The following SHANK2 variants were observed in gnomAD, a reference collection of about 807,000 sequenced individuals.
SHANK2 encodes the protein SH3 and multiple ankyrin repeat domains 2, also known as SH3 and multiple ankyrin repeat domains protein 2.
SHANK2 carries 43 observed loss-of-function variants against 133.7 expected under a neutral mutation model. That is an observed-to-expected ratio of 0.32 (90% CI 0.25 to 0.41). The LOEUF (loss-of-function observed/expected upper bound fraction) is 0.41. Ranked by LOEUF, SHANK2 falls within the 10% of genes least tolerant of loss-of-function variation. The probability of loss-of-function intolerance (pLI) is 1.00; values close to 1 mark genes in which losing one functional copy is unlikely to be tolerated. For missense variants in SHANK2, 1,994 were observed against 2,235.8 expected, an observed-to-expected ratio of 0.89 and a Z score of 2.18; for synonymous variants, 1,017 against 952.8, an observed-to-expected ratio of 1.07 and a Z score of -1.24.
intron 2 of SHANK2, among the ~76,000 whole-genome samples, chr11:71,213,460 A>C (rs2135699009): frequency 6.6e-6 from 1 of 152,260 alleles, no homozygotes; most frequent in South Asian, 2.1e-4. Flanking sequence ...CCCCAGGGGC[A>C]AGGTTTTTAA....
At chr11:71,110,285 A>C (rs182319852) in intron 5 of SHANK2, among the ~76,000 whole-genome samples, 2,618 of 152,170 alleles carry the variant, frequency 0.017, 83 homozygotes, top group African/African-American at 0.061. Flanking sequence ...AAAAATACAA[A>C]AAATTAGTCA....
intron 13 of SHANK2, among the ~76,000 whole-genome samples, chr11:70,800,951 G>A (rs966120455): frequency 1.3e-5 from 2 of 152,234 alleles, no homozygotes; most frequent in Non-Finnish European, 2.9e-5. Context: ...CATAGGTAGA[G>A]ATTGGTATCA....
Position 70,588,696 on chromosome 11 carries a change from C to T in SHANK2, c.2061+71132G>A, listed in dbSNP as rs145942983. On this transcript the variant is annotated intron_variant, in intron 17 of 25. Transcript: ENST00000601538. ...TAAGAAAAGAAGCTGTGTTCTGTAACGTAAACACGCAAGGCAAAGTAGCAA... is the reference window on the plus strand; with the variant it reads ...TAAGAAAAGAAGCTGTGTTCTGTAATGTAAACACGCAAGGCAAAGTAGCAA... 5.2e-3 allele frequency among the ~76,000 whole-genome samples: 797 copies of T among 152,316 alleles called. 6 individuals carry two copies. The highest frequency in any genetic ancestry group is 0.018 in the African/African-American group (762 of 41,574).
chr11:70,817,622 T>C (rs1948425848), intron 12 of SHANK2, among the ~76,000 whole-genome samples: 1 of 152,212 alleles, frequency 6.6e-6, no homozygotes, highest in Admixed American at 6.5e-5. Context: ...GGGTTGGACA[T>C]GGACCTGGGC....
At chr11:71,084,173 G>A (rs1046297844) in intron 8 of SHANK2, among the ~76,000 whole-genome samples, 70 of 152,182 alleles carry the variant, frequency 4.6e-4, no homozygotes, top group South Asian at 1.2e-3. Flanking sequence ...GGGTTTCACC[G>A]TGTTAGCCAG....
chr11:70,625,312 C>T (rs2060890373), intron 17 of SHANK2, among the ~76,000 whole-genome samples: 1 of 152,144 alleles, frequency 6.6e-6, no homozygotes. Flanking sequence ...GGGGCTCTGT[C>T]ACACACTGCC....
intron 2 of SHANK2, among the ~76,000 whole-genome samples, chr11:71,209,577 A>G (rs772223674): frequency 3.3e-5 from 5 of 151,952 alleles, no homozygotes; most frequent in Non-Finnish European, 5.9e-5. Flanking sequence ...CCAGCTCCTC[A>G]CTCTTGACTC....
At chr11:71,160,751 G>A (rs1315453426) in intron 2 of SHANK2, among the ~76,000 whole-genome samples, 13 of 152,160 alleles carry the variant, frequency 8.5e-5, no homozygotes, top group African/African-American at 3.1e-4. Context: ...AAGTTGAGGA[G>A]GCCACTCCAA....
chr11:71,169,350 C>A (rs997877323), intron 2 of SHANK2, among the ~76,000 whole-genome samples: 1 of 152,204 alleles, frequency 6.6e-6, no homozygotes, highest in Non-Finnish European at 1.5e-5. Context: ...TGAAGTCTGA[C>A]TGGCTTTGCT....
upstream of SHANK2, among the ~76,000 whole-genome samples, chr11:71,252,735 C>T (rs1265624556): frequency 2.0e-5 from 3 of 151,526 alleles, no homozygotes; most frequent in African/African-American, 7.3e-5. This position sits in a 1 kb window ranked among gnomAD's most constrained non-coding sequence, Gnocchi z 6.3. Context: ...GCCCCGACCC[C>T]GCTCCCGCCC....
intron 10 of SHANK2, among the ~76,000 whole-genome samples, chr11:70,935,563 A>C (rs184637607): frequency 6.6e-6 from 1 of 152,144 alleles, no homozygotes; most frequent in East Asian, 1.9e-4. Context: ...ACAGCCTAAA[A>C]CCTAAAACCA....
intron 17 of SHANK2, among the ~76,000 whole-genome samples, chr11:70,593,602 C>T (rs2060357531): frequency 6.6e-6 from 1 of 152,286 alleles, no homozygotes; most frequent in African/African-American, 2.4e-5. Context: ...CCTACAACAC[C>T]CCCAGGGAGC....
intron 17 of SHANK2, chr11:70,631,914 G>A (rs1348415142): frequency 6.6e-6 from 1 of 152,230 alleles, no homozygotes; most frequent in East Asian, 1.9e-4. Flanking sequence ...CTCAGAGAAG[G>A]AAAGCAGTTG....
At chr11:70,787,761 A>G (rs1947702587) in intron 14 of SHANK2, among the ~76,000 whole-genome samples, 1 of 152,106 alleles carries the variant, frequency 6.6e-6, no homozygotes, top group South Asian at 2.1e-4. Context: ...AAATCTTAAC[A>G]TCTCAGAGGC....
rs1053672429 is a variant in SHANK2, at chr11:70,494,404, G to A, written c.2309-1939C>T. Reference sequence around the variant, plus strand: ...CACCTCCTGGGTTCAAGCAATTCTCGTGCCTCAGCCTCCTGAGTAGCTGGG... The same window carrying A: ...CACCTCCTGGGTTCAAGCAATTCTCATGCCTCAGCCTCCTGAGTAGCTGGG... On this transcript the variant is annotated intron_variant, in intron 21 of 25. Coordinates refer to ENST00000601538, the MANE Select transcript of SHANK2 (RefSeq NM_012309.5). Among the ~76,000 whole-genome samples, 7 of 151,976 alleles carry A rather than the reference G, an allele frequency of 4.6e-5. No homozygotes were observed. In the East Asian group the frequency reaches 7.7e-4, roughly 17 times the overall value.
chr11:71,129,984 G>A (rs2135323658), intron 3 of SHANK2, among the ~76,000 whole-genome samples: 1 of 152,262 alleles, frequency 6.6e-6, no homozygotes, highest in Non-Finnish European at 1.5e-5. Context: ...CTTGCAGACG[G>A]CCACCTTCTC....
intron 2 of SHANK2, among the ~76,000 whole-genome samples, chr11:71,177,693 C>T (rs1953474240): frequency 6.6e-6 from 1 of 151,738 alleles, no homozygotes; most frequent in South Asian, 2.1e-4. Flanking sequence ...TAAATGTGAC[C>T]CAACTCTAAG....
At chr11:70,673,900 G>A (rs1422863890) in intron 15 of SHANK2, among the ~76,000 whole-genome samples, 1 of 152,246 alleles carries the variant, frequency 6.6e-6, no homozygotes. Flanking sequence ...TTAAAAGTAG[G>A]AGGCTCATAT....
intron 17 of SHANK2, among the ~76,000 whole-genome samples, chr11:70,646,825 TTTATTTTA>T (rs1303161798): frequency 1.4e-3 from 98 of 69,122 alleles, no homozygotes; most frequent in African/African-American, 6.6e-3. Context: ...CTAACTTTTA[TTTATTTTA>T]TTTATTTATT....
Sources: gnomAD v4.1 joint callset for allele counts (sites outside exome capture counted in the v4.1 genomes callset) on GRCh38, gnomAD v4.1.1 for gene constraint, Gnocchi (gnomAD v3.1) non-coding constraint, MANE v1.5 for transcripts, NCBI Gene and HGNC (gene_info 2026-07-23, HGNC 2026-07-21) for gene names.